LETM2: variants seen among roughly 807,000 people sequenced by gnomAD.
The protein encoded by LETM2 is leucine zipper and EF-hand containing transmembrane protein 2, also known as LETM1 domain-containing protein LETM2, mitochondrial.
A neutral mutation model predicts 59.6 loss-of-function variants in LETM2; 58 were observed. The observed-to-expected ratio is 0.97, with a 90% CI of 0.79 to 1.21. The LOEUF is 1.21. Among genes scored for constraint, LETM2 ranks in the 50% most tolerant of loss-of-function variants. LETM2 has a pLI of 0.00. For synonymous variants in LETM2, 199 were observed against 214.1 expected (o/e 0.93, Z 0.62); for missense variants, 572 against 575.7 (o/e 0.99, Z 0.07).
intron 4 of LETM2, among the ~76,000 whole-genome samples, chr8:38,397,578 AACAG>A (rs1054206157): frequency 2.6e-5 from 4 of 152,186 alleles, no homozygotes; most frequent in Admixed American, 1.3e-4. Context: ...AATGACAGGA[AACAG>A]ACAAAGTGAT....
intron 4 of LETM2, among the ~76,000 whole-genome samples, chr8:38,394,771 G>C (rs1034629930): frequency 6.6e-6 from 1 of 151,084 alleles, no homozygotes; most frequent in Non-Finnish European, 1.5e-5. Context: ...GAGCCCAGGA[G>C]GTCAAGGCTG....
chr8:38,391,181 C>CAAAAAAAAAAAAAAAAAAAAAAA (rs552521178), intron 2 of LETM2, among the ~76,000 whole-genome samples: 1 of 51,984 alleles, frequency 1.9e-5, no homozygotes, highest in Non-Finnish European at 3.5e-5. Flanking sequence ...CCTCCTGTCT[C>CAAAAAAAAAAAAAAAAAAAAAAA]AAAAAAAAAA....
chr8:38,406,149 CCATT>C (rs1233925129), intron 8 of LETM2, among the ~76,000 whole-genome samples: 1 of 152,150 alleles, frequency 6.6e-6, no homozygotes, highest in African/African-American at 2.4e-5. Flanking sequence ...ATCACCACTC[CCATT>C]CTTATCGTTA....
chr8:38,400,330 A>T lies in LETM2; in HGVS notation c.704A>T (p.Glu235Val). 1.9e-6 allele frequency: 3 copies of T among 1,613,582 alleles called. No individual in the cohort carries two copies. Among genetic ancestry groups the T allele is most frequent in the Non-Finnish European group, 2.5e-6 (3 of 1,179,710 alleles). Reference sequence around the variant, plus strand: ...TTGGAACTAGCAAAATTTCTTCAAGAAACCATGACAGAAATGGCAAGGAGG... The same window carrying T: ...TTGGAACTAGCAAAATTTCTTCAAGTAACCATGACAGAAATGGCAAGGAGG... ...VKLELAKFLQ[E>V]TMTEMARRNR... Residue 235 changes from glutamate to valine, a missense_variant, in exon 5 of 11, where the codon GAA becomes GTA. Coordinates refer to ENST00000379957, the MANE Select transcript of LETM2 (RefSeq NM_001286819.2).
intron 2 of LETM2, 50 bp downstream of exon 2, chr8:38,388,080 CTTT>C (rs35044708): frequency 4.2e-3 from 3,699 of 880,666 alleles, no homozygotes; most frequent in South Asian, 4.9e-3. Flanking sequence ...TCTTCTTCTT[CTTT>C]TTTTTTTTTT....
At chr8:38,408,008 G>C in intron 10 of LETM2, 1 of 518,014 alleles carries the variant, frequency 1.9e-6, no homozygotes, top group Admixed American at 3.3e-5. Flanking sequence ...AGACACAGAT[G>C]GGGTAAGCCC....
chr8:38,395,378 C>T (rs979537018), intron 4 of LETM2, among the ~76,000 whole-genome samples: 9 of 152,338 alleles, frequency 5.9e-5, no homozygotes, highest in African/African-American at 2.2e-4. Flanking sequence ...GTTGTCAGTG[C>T]TCTAGACATT....
chr8:38,385,898 T>C (rs1455683523), upstream of LETM2, among the ~76,000 whole-genome samples: 1 of 152,254 alleles, frequency 6.6e-6, no homozygotes, highest in Non-Finnish European at 1.5e-5. Flanking sequence ...CTGAGATTTC[T>C]ATACAAATTA....
chr8:38,401,866 TTTTAAAAAATGGAAGGAA>T (rs1165852310), intron 6 of LETM2, among the ~76,000 whole-genome samples: 2 of 152,198 alleles, frequency 1.3e-5, no homozygotes, highest in Non-Finnish European at 2.9e-5. Flanking sequence ...AATTAGGCTT[TTTTAAAAAATGGAAGGAA>T]TGTTTGACTC....
At chr8:38,398,775 T>A (rs1812898835) in intron 4 of LETM2, among the ~76,000 whole-genome samples, 1 of 144,916 alleles carries the variant, frequency 6.9e-6, no homozygotes, top group Admixed American at 7.4e-5. Context: ...CAGGCTGGAG[T>A]GCAGTAGCGT....
intron 4 of LETM2, among the ~76,000 whole-genome samples, chr8:38,394,598 T>C (rs1426189533): frequency 2.6e-5 from 4 of 152,040 alleles, no homozygotes; most frequent in South Asian, 4.1e-4. Context: ...TTCTAGCACT[T>C]TGGGAGGTTG....
upstream of LETM2, chr8:38,383,161 AT>A (rs1347351926): frequency 6.6e-6 from 1 of 152,214 alleles, no homozygotes; most frequent in Admixed American, 6.5e-5. Flanking sequence ...CGTGAGGGAC[AT>A]TTGTCCTAGA....
At chr8:38,396,672 A>T (rs1027138131) in intron 4 of LETM2, among the ~76,000 whole-genome samples, 1 of 152,082 alleles carries the variant, frequency 6.6e-6, no homozygotes, top group Non-Finnish European at 1.5e-5. Flanking sequence ...TGGGAGGCTG[A>T]GGTGGGAGGA....
At chr8:38,405,473 C>T (rs1408904576) in intron 8 of LETM2, among the ~76,000 whole-genome samples, 2 of 152,136 alleles carry the variant, frequency 1.3e-5, no homozygotes, top group African/African-American at 2.4e-5. Context: ...GAGGGCCAGT[C>T]GTTTTACATC....
chr8:38,404,662 C>A (rs201290791), intron 8 of LETM2, 156 bp downstream of exon 8: 10 of 583,538 alleles, frequency 1.7e-5, no homozygotes, highest in Middle Eastern at 3.1e-4. Flanking sequence ...TCTAAAAAAA[C>A]CAACCAACCA....
intron 8 of LETM2, among the ~76,000 whole-genome samples, chr8:38,405,742 C>T (rs779413692): frequency 1.3e-5 from 2 of 152,176 alleles, no homozygotes; most frequent in African/African-American, 2.4e-5. Flanking sequence ...CAAAGTTAAT[C>T]GTCATTCTTA....
intron 2 of LETM2, among the ~76,000 whole-genome samples, chr8:38,391,219 C>G (rs1812235458): frequency 7.7e-6 from 1 of 129,596 alleles, no homozygotes; most frequent in Non-Finnish European, 1.7e-5. Flanking sequence ...AACCAAAAAA[C>G]TGAAAGAATG....
upstream of LETM2, among the ~76,000 whole-genome samples, chr8:38,384,563 A>G (rs1323682623): frequency 2.6e-4 from 39 of 152,174 alleles, no homozygotes; most frequent in Admixed American, 2.4e-3. Flanking sequence ...AGGAAAAAAT[A>G]TTTTTTTAAA....
At chr8:38,397,916 G>C (rs1432269724) in intron 4 of LETM2, among the ~76,000 whole-genome samples, 1 of 152,032 alleles carries the variant, frequency 6.6e-6, no homozygotes, top group Non-Finnish European at 1.5e-5. Context: ...GAGGTGGGTG[G>C]GTCACTTGAG....
Sources: gnomAD v4.1 joint callset for allele counts (sites outside exome capture counted in the v4.1 genomes callset) on GRCh38, gnomAD v4.1.1 for gene constraint, MANE v1.5 for transcripts, NCBI Gene and HGNC (gene_info 2026-07-23, HGNC 2026-07-21) for gene names.